Variants in SEMA4B observed in about 807,000 individuals in gnomAD.
The protein encoded by SEMA4B is semaphorin-4B.
SEMA4B carries 55 observed loss-of-function variants against 88.1 expected under a neutral mutation model. That is an observed-to-expected ratio of 0.62 (90% confidence interval 0.50 to 0.78). The LOEUF is 0.78. SEMA4B is among the 30% of genes least tolerant of loss of function. The pLI, the probability that SEMA4B is intolerant of heterozygous loss-of-function variation, is 0.00. For synonymous variants in SEMA4B, 525 were observed against 473.6 expected (o/e 1.11, Z -1.41); for missense variants, 1,062 against 1,111.9 (o/e 0.96, Z 0.64).
At chr15:90,185,134 G>A in intron 1 of SEMA4B, 1 of 933,174 alleles carries the variant, frequency 1.1e-6, no homozygotes, top group Non-Finnish European at 1.3e-6. Context: ...GGAGGTGGCG[G>A]ACCAGGCGAA....
intron 1 of SEMA4B, among the ~76,000 whole-genome samples, chr15:90,194,207 AG>A (rs758915351): frequency 7.0e-6 from 1 of 143,478 alleles, no homozygotes; most frequent in African/African-American, 3.0e-5. Context: ...TGCAGTTAGG[AG>A]GACACATAGC....
intron 1 of SEMA4B, 167 bp from the exon 2 acceptor site, chr15:90,217,272 A>C: frequency 1.7e-6 from 1 of 599,134 alleles, no homozygotes; most frequent in South Asian, 2.2e-5. Context: ...AGAGTCCAGG[A>C]ATGCTGCTCG....
upstream of SEMA4B, chr15:90,201,238 T>C: frequency 2.1e-6 from 2 of 933,066 alleles, no homozygotes; most frequent in Non-Finnish European, 2.6e-6. Context: ...CTGCCGCCCC[T>C]CGCGCTGCCA....
At chr15:90,208,069 C>T (rs11073913) in intron 1 of SEMA4B, among the ~76,000 whole-genome samples, 10,897 of 152,110 alleles carry the variant, frequency 0.072, 1,267 homozygotes, top group African/African-American at 0.25. Flanking sequence ...GCCTGGCCAA[C>T]GTGGTGAAAC....
chr15:90,200,726 G>T (rs781436243), upstream of SEMA4B, among the ~76,000 whole-genome samples: 3 of 152,182 alleles, frequency 2.0e-5, no homozygotes, highest in Non-Finnish European at 4.4e-5. Context: ...TCCCACTTAA[G>T]CTAATCTTGC....
intron 1 of SEMA4B, among the ~76,000 whole-genome samples, chr15:90,206,107 CAG>C (rs1960974660): frequency 6.6e-6 from 1 of 152,184 alleles, no homozygotes; most frequent in Non-Finnish European, 1.5e-5. Flanking sequence ...AGGCAAGAGA[CAG>C]AGGGTGGCAC....
At chr15:90,220,436 C>T (rs62019254) in intron 4 of SEMA4B, among the ~76,000 whole-genome samples, 5 of 141,300 alleles carry the variant, frequency 3.5e-5, no homozygotes, top group Admixed American at 7.3e-5. Context: ...GGCACGATCT[C>T]GGCTCACTGC....
chr15:90,219,781 C>T lies in SEMA4B; in HGVS notation c.385-12C>T, dbSNP rs372773405. 6.3e-5 allele frequency: 101 copies of T among 1,609,696 alleles called. No individual in the cohort carries two copies. Among genetic ancestry groups the T allele is most frequent in the Non-Finnish European group, 7.8e-5 (92 of 1,177,296 alleles). ...GGCGTGGGACTGATATCCCCTCGCT[C>T]CTTCCCCCCAGCGCGACTGTCAAAA... On this transcript the variant is annotated splice_polypyrimidine_tract_variant and intron_variant, in intron 3 of 13. Transcript: ENST00000411539.
At chr15:90,215,047 G>C in intron 1 of SEMA4B, 1 of 1,233,674 alleles carries the variant, frequency 8.1e-7, no homozygotes. Flanking sequence ...GAGACTGTTT[G>C]TGTGGTCATA....
In SEMA4B at chr15:90,229,237, A is replaced by G. The variant is rs193133477; in HGVS notation, c.*594A>G. 1 of 450,426 alleles carries G rather than the reference A, an allele frequency of 2.2e-6. No homozygotes were observed. Among genetic ancestry groups the G allele is most frequent in the East Asian group, 7.0e-5 (1 of 14,226 alleles). 27.9% of individuals were successfully genotyped at this position (450,426 alleles called of 1,614,324 possible). On this transcript the variant is annotated 3_prime_UTR_variant, in exon 14 of 14. Coordinates refer to ENST00000411539, the MANE Select transcript of SEMA4B (RefSeq NM_198925.4). ...TCAGGGACCAGAGGGCTAGGTTGGCACTGCGGCCCTCACCAGGTCCTGGGC... is the reference window on the plus strand; with the variant it reads ...TCAGGGACCAGAGGGCTAGGTTGGCGCTGCGGCCCTCACCAGGTCCTGGGC...
Position 90,212,793 on chromosome 15 carries a change from C to T in SEMA4B, c.158-4646C>T, listed in dbSNP as rs1036649183. Among the ~76,000 whole-genome samples, 1 of 152,222 alleles carries T rather than the reference C, an allele frequency of 6.6e-6. No homozygotes were observed. Among genetic ancestry groups the T allele is most frequent in the Non-Finnish European group, 1.5e-5 (1 of 68,050 alleles). ...CACAGACCAGCTCGCGCCCACAACACGAGCCTGTGACACGCAAGTCTCTGT... is the reference window on the plus strand; with the variant it reads ...CACAGACCAGCTCGCGCCCACAACATGAGCCTGTGACACGCAAGTCTCTGT... On this transcript the variant is annotated intron_variant, in intron 1 of 13. Transcript: ENST00000411539. The surrounding 1 kb of genome is among the most constrained non-coding windows in gnomAD (Gnocchi z 4.0).
intron 9 of SEMA4B, 70 bp downstream of exon 9, chr15:90,224,058 A>G (rs1426414791): frequency 1.4e-6 from 2 of 1,480,622 alleles, no homozygotes; most frequent in Non-Finnish European, 1.8e-6. Flanking sequence ...TGCTGGGAGC[A>G]AGGCTGCCTA....
chr15:90,227,987 C>T lies in SEMA4B; in HGVS notation c.1858C>T (p.Arg620Ter), dbSNP rs1567064309. The T allele has an allele frequency of 2.5e-6, 4 of 1,613,868 alleles. No homozygotes were observed. Among genetic ancestry groups the T allele is most frequent in the South Asian group, 1.1e-5 (1 of 91,076 alleles). The change falls in exon 14 of 14, where the codon CGA becomes TGA. Residue 620 changes from arginine to a stop codon, truncating the protein, a stop_gained. Coordinates refer to ENST00000411539, the MANE Select transcript of SEMA4B (RefSeq NM_198925.4). LOFTEE classifies it high-confidence loss of function. ...ACPLLSNLAT[R>*]LWLRNGAPVN... ...CCCGCTCCTCTCCAACCTGGCGACC[C>T]GACTCTGGCTACGCAACGGGGCCCC... is the stretch of plus-strand genomic sequence containing the variant.
At chr15:90,225,631 C>T (rs376607151) in intron 11 of SEMA4B, 30 bp from the exon 12 acceptor site, 48 of 1,550,594 alleles carry the variant, frequency 3.1e-5, no homozygotes, top group African/African-American at 1.2e-4. Context: ...TGCCCATGCC[C>T]GCTTCTCATC....
chr15:90,225,439 G>A (rs1045487670), intron 11 of SEMA4B, 42 bp downstream of exon 11: 9 of 1,525,674 alleles, frequency 5.9e-6, no homozygotes, highest in African/African-American at 4.1e-5. Flanking sequence ...TACTTGGGGG[G>A]TGCCCTCCAT....
chr15:90,189,847 G>A (rs920003133), intron 1 of SEMA4B, among the ~76,000 whole-genome samples: 1 of 152,198 alleles, frequency 6.6e-6, no homozygotes. Flanking sequence ...AAGCCCACCC[G>A]TGTGGTGAAG....
Position 90,201,605 on chromosome 15 carries a change from G to A in SEMA4B, c.27G>A (p.Arg9=), listed in dbSNP as rs752722403. 6.6e-7 allele frequency: 1 copy of A among 1,518,176 alleles called. No homozygotes were observed. The highest frequency in any genetic ancestry group is 8.8e-7 in the Non-Finnish European group (1 of 1,140,788). 94.0% of individuals were successfully genotyped at this position (1,518,176 alleles called of 1,614,324 possible). A position where few individuals can be genotyped will look rare whatever the true frequency, so the allele number is the denominator to read the frequency against. Residue 9 remains arginine, a synonymous_variant, in exon 1 of 14, where the codon AGG becomes AGA. Transcript: ENST00000411539. MLRTAMGL[R]SWLAAPWGAL... ...TGCTGCGCACCGCGATGGGCCTGAG[G>A]AGCTGGCTCGCCGCCCCATGGGGCG...
chr15:90,201,190 A>G (rs1960694401), upstream of SEMA4B: 1 of 411,358 alleles, frequency 2.4e-6, no homozygotes, highest in African/African-American at 2.2e-5. Context: ...CGCCGGGGCT[A>G]CTGATCCCGG....
At chr15:90,221,262 G>C (rs1322507934) in intron 5 of SEMA4B, 105 bp from the exon 6 acceptor site, 12 of 1,190,874 alleles carry the variant, frequency 1.0e-5, no homozygotes, top group African/African-American at 1.5e-5. Flanking sequence ...TTCCTTCTCT[G>C]CCCACCACAG....
Sources: gnomAD v4.1 joint callset for allele counts (sites outside exome capture counted in the v4.1 genomes callset) on GRCh38, gnomAD v4.1.1 for gene constraint, Gnocchi (gnomAD v3.1) non-coding constraint, MANE v1.5 for transcripts, NCBI Gene and HGNC (gene_info 2026-07-23, HGNC 2026-07-21) for gene names.